Variants in HDAC4 observed in about 807,000 individuals in gnomAD.
HDAC4 encodes histone deacetylase 4.
A neutral mutation model predicts 135.1 loss-of-function variants in HDAC4; 16 were observed. The ratio of observed to expected loss-of-function variants is 0.12; its 90% CI spans 0.08 to 0.18. The LOEUF is 0.18. HDAC4 is among the 10% of genes least tolerant of loss of function. The pLI, the probability that HDAC4 is intolerant of heterozygous loss-of-function variation, is 1.00. For missense variants in HDAC4, 1,143 were observed against 1,511.8 expected, an observed-to-expected ratio of 0.76 and a Z score of 4.05; for synonymous variants, 685 against 653.4, an observed-to-expected ratio of 1.05 and a Z score of -0.74.
At chr2:239,249,991 G>A (rs887448724) in intron 2 of HDAC4, among the ~76,000 whole-genome samples, 9 of 152,142 alleles carry the variant, frequency 5.9e-5, no homozygotes, top group East Asian at 3.9e-4. Context: ...CTCTGCTTCC[G>A]GGCCTCCCGC....
intron 1 of HDAC4, among the ~76,000 whole-genome samples, chr2:239,387,207 G>C (rs796376290): frequency 6.6e-6 from 1 of 152,316 alleles, no homozygotes; most frequent in African/African-American, 2.4e-5. Flanking sequence ...ACAGAGAAGA[G>C]GGGACTGCTC....
chr2:239,171,067 C>T (rs572368387), intron 5 of HDAC4, among the ~76,000 whole-genome samples: 10 of 151,324 alleles, frequency 6.6e-5, no homozygotes, highest in East Asian at 1.9e-4. Flanking sequence ...AAAGTCCACT[C>T]GAAAAGAATG....
chr2:239,321,098 C>T (rs780397051), intron 2 of HDAC4, among the ~76,000 whole-genome samples: 2 of 152,084 alleles, frequency 1.3e-5, no homozygotes, highest in Non-Finnish European at 1.5e-5. Context: ...TGTTTACAAA[C>T]AAAATGTGCT....
intron 24 of HDAC4, among the ~76,000 whole-genome samples, chr2:239,061,478 C>T (rs2032725105): frequency 6.6e-6 from 1 of 150,568 alleles, no homozygotes; most frequent in Non-Finnish European, 1.5e-5. Context: ...TGTGTGCGTG[C>T]ATGAGAGGGT....
rs1455801191 is a variant in HDAC4 at position 239,115,998 on chromosome 2, T to G, written c.1534-688A>C. Among the ~76,000 whole-genome samples the G allele has an allele frequency of 6.6e-6, 1 of 151,960 alleles. No homozygotes were observed. The highest frequency in any genetic ancestry group is 2.4e-5 in the African/African-American group (1 of 41,364). On this transcript the variant is annotated intron_variant, in intron 12 of 26. Transcript: ENST00000543185. This position sits in a 1 kb window ranked among gnomAD's most constrained non-coding sequence, Gnocchi z 6.3. ...CTATGGGGCCCCAAGAACCGCAACA[T>G]CCTCCCTCCTGTGGGACTCCCTAGA...
chr2:239,255,029 A>G (rs966468498), intron 2 of HDAC4, among the ~76,000 whole-genome samples: 1 of 152,244 alleles, frequency 6.6e-6, no homozygotes, highest in Non-Finnish European at 1.5e-5. Context: ...ACCTATCTAA[A>G]CTATCATTCG....
chr2:239,253,931 G>A lies in HDAC4; in HGVS notation c.23-17267C>T, dbSNP rs137943405. On this transcript the variant is annotated intron_variant, in intron 2 of 26. Transcript: ENST00000543185. ...GAACTGGAACTGAGACCCTGTGTCCGGGCAGAACTCTTGGAGGACTGTCTG... is the reference window on the plus strand; with the variant it reads ...GAACTGGAACTGAGACCCTGTGTCCAGGCAGAACTCTTGGAGGACTGTCTG... Among the ~76,000 whole-genome samples, 1,281 of 152,174 alleles carry A rather than the reference G, an allele frequency of 8.4e-3. 22 individuals are homozygous for A. Among genetic ancestry groups the A allele is most frequent in the East Asian group, 0.075 (387 of 5,166 alleles).
chr2:239,159,068 TCAC>T (rs1200449260), intron 6 of HDAC4, among the ~76,000 whole-genome samples: 1 of 145,648 alleles, frequency 6.9e-6, no homozygotes, highest in Admixed American at 6.8e-5. Flanking sequence ...TATCTGCATC[TCAC>T]TACTCACCTC....
intron 13 of HDAC4, among the ~76,000 whole-genome samples, chr2:239,114,820 G>A (rs2038984936): frequency 1.3e-5 from 2 of 152,164 alleles, no homozygotes; most frequent in South Asian, 2.1e-4. Flanking sequence ...TGGCTGGAAA[G>A]CAGTTACGTA....
chr2:239,342,362 G>A (rs1692346822), intron 2 of HDAC4, among the ~76,000 whole-genome samples: 1 of 152,074 alleles, frequency 6.6e-6, no homozygotes, highest in African/African-American at 2.4e-5. Context: ...TGAGAATGTA[G>A]TTGTATACAG....
chr2:239,208,280 T>G (rs538753976), intron 3 of HDAC4, among the ~76,000 whole-genome samples: 1 of 131,438 alleles, frequency 7.6e-6, no homozygotes, highest in Non-Finnish European at 1.5e-5. Flanking sequence ...TGAGCCGAGA[T>G]CGCGCCACTG....
chr2:239,159,249 G>A (rs556153780), intron 6 of HDAC4, among the ~76,000 whole-genome samples: 6 of 139,684 alleles, frequency 4.3e-5, no homozygotes, highest in South Asian at 2.4e-4. Flanking sequence ...CCTGACGCTC[G>A]CACCTACACT....
chr2:239,217,952 A>C (rs1042683406), intron 3 of HDAC4, among the ~76,000 whole-genome samples: 4 of 152,140 alleles, frequency 2.6e-5, no homozygotes, highest in African/African-American at 9.7e-5. Flanking sequence ...GTCAGCCAGC[A>C]GTGGTGACAC....
chr2:239,238,427 G>A (rs934992757), intron 2 of HDAC4, among the ~76,000 whole-genome samples: 24 of 152,166 alleles, frequency 1.6e-4, no homozygotes. Flanking sequence ...GGGGTCAAGA[G>A]GAGGGGGCTT....
At chr2:239,078,195 G>A (rs949022252) in intron 22 of HDAC4, among the ~76,000 whole-genome samples, 3 of 152,174 alleles carry the variant, frequency 2.0e-5, no homozygotes, top group African/African-American at 4.8e-5. Context: ...CTTCAAAGCC[G>A]CGTCTGGCAC....
rs372162836 is a variant in HDAC4 at position 239,147,970 on chromosome 2, G to C, written c.734-3256C>G. On this transcript the variant is annotated intron_variant, in intron 7 of 26. Transcript: ENST00000543185. Reference sequence around the variant, plus strand: ...GCAGGTGAAGCGGCTCTCAGAGCCGGAACGCTTTAACTCTTAGGGGCCGGG... The same window carrying C: ...GCAGGTGAAGCGGCTCTCAGAGCCGCAACGCTTTAACTCTTAGGGGCCGGG... 1.2e-3 allele frequency among the ~76,000 whole-genome samples: 183 copies of C among 152,334 alleles called. 3 individuals carry two copies. The highest frequency in any genetic ancestry group is 4.1e-3 in the African/African-American group (171 of 41,588).
intron 2 of HDAC4, among the ~76,000 whole-genome samples, chr2:239,261,160 G>A (rs2049340580): frequency 2.0e-5 from 3 of 152,148 alleles, no homozygotes; most frequent in Admixed American, 2.0e-4. Flanking sequence ...TGGCCGGGGT[G>A]GTGTTAAAGA....
intron 7 of HDAC4, among the ~76,000 whole-genome samples, chr2:239,153,443 C>T (rs2042234471): frequency 6.6e-6 from 1 of 152,182 alleles, no homozygotes; most frequent in South Asian, 2.1e-4. Context: ...TTTCATATTA[C>T]CAATTACTGC....
chr2:239,382,799 A>G (rs573891809), intron 1 of HDAC4, among the ~76,000 whole-genome samples: 1 of 151,490 alleles, frequency 6.6e-6, no homozygotes, highest in South Asian at 2.1e-4. Flanking sequence ...GTCCCGGCTC[A>G]CTGCAACCTC....
Sources: gnomAD v4.1 joint callset for allele counts (sites outside exome capture counted in the v4.1 genomes callset) on GRCh38, gnomAD v4.1.1 for gene constraint, Gnocchi (gnomAD v3.1) non-coding constraint, MANE v1.5 for transcripts, NCBI Gene and HGNC (gene_info 2026-07-23, HGNC 2026-07-21) for gene names.